Variants in DHX8 observed in about 807,000 individuals in gnomAD.
The protein encoded by DHX8 is ATP-dependent RNA helicase DHX8.
DHX8 carries 67 observed loss-of-function variants against 140.7 expected under a neutral mutation model. The ratio of observed to expected loss-of-function variants is 0.48; its 90% confidence interval spans 0.39 to 0.58. DHX8 has a LOEUF of 0.58. DHX8 is among the 20% of genes least tolerant of loss of function. DHX8 has a pLI of 0.00. For missense variants in DHX8, 887 were observed against 1,550.7 expected (o/e 0.57, Z 7.19); for synonymous variants, 533 against 553.2 (o/e 0.96, Z 0.51).
intron 11 of DHX8, among the ~76,000 whole-genome samples, 169 bp from the exon 12 acceptor site, chr17:43,504,475 C>T (rs947376177): frequency 4.0e-5 from 6 of 151,798 alleles, no homozygotes; most frequent in Non-Finnish European, 7.4e-5. Context: ...TCCCTGCTGC[C>T]CCTTCTATAT....
intron 3 of DHX8, among the ~76,000 whole-genome samples, chr17:43,537,278 T>A (rs962248542): frequency 6.6e-6 from 1 of 152,048 alleles, no homozygotes; most frequent in Non-Finnish European, 1.5e-5. Context: ...GACAGAAGAA[T>A]CGCTTGAACC....
In DHX8 at chr17:43,504,648, A is replaced by G. The variant is rs1969390403; in HGVS notation, c.1551A>G (p.Glu517=). The change falls in exon 12 of 23, where the codon GAA becomes GAG. Residue 517 remains glutamate, a synonymous_variant. Coordinates refer to ENST00000262415, the MANE Select transcript of DHX8 (RefSeq NM_004941.3). ...KHWVDPLPDA[E]GRQIAANMRG... ...GTTGCCTGTTTTCCTTTCCAGCGGA[A>G]GGCAGACAGATTGCTGCCAACATGA... The G allele has an allele frequency of 1.2e-6, 2 of 1,609,010 alleles. No individual in the cohort carries two copies. Among genetic ancestry groups the G allele is most frequent in the Non-Finnish European group, 1.7e-6 (2 of 1,178,162 alleles).
intron 11 of DHX8, among the ~76,000 whole-genome samples, chr17:43,503,275 A>G (rs574751332): frequency 2.0e-5 from 3 of 152,244 alleles, no homozygotes; most frequent in Non-Finnish European, 4.4e-5. Flanking sequence ...AGGCGGGTGG[A>G]TCACCTGAGG....
At chr17:43,488,718 T>TAGGACAG (rs900842515) in intron 1 of DHX8, among the ~76,000 whole-genome samples, 1 of 152,158 alleles carries the variant, frequency 6.6e-6, no homozygotes, top group African/African-American at 2.4e-5. Flanking sequence ...GGCCCTCATA[T>TAGGACAG]ACAGATTGGG....
downstream of DHX8, among the ~76,000 whole-genome samples, chr17:43,530,602 ACGCG>A (rs200376976): frequency 3.8e-5 from 5 of 133,074 alleles, no homozygotes; most frequent in African/African-American, 5.8e-5. Context: ...AGCCCTGTGC[ACGCG>A]CGCGTGTGTG....
At chr17:43,528,812 A>G, downstream of DHX8, 1 of 1,305,972 alleles carries the variant, frequency 7.7e-7, no homozygotes, top group Non-Finnish European at 1.1e-6. Context: ...AAGGTGGGGG[A>G]GTGGGGAATG....
intron 17 of DHX8, among the ~76,000 whole-genome samples, chr17:43,513,962 C>G (rs1433490990): frequency 6.6e-6 from 1 of 152,064 alleles, no homozygotes; most frequent in African/African-American, 2.4e-5. Flanking sequence ...ATCCACCCGT[C>G]TTGGCCTCCC....
chr17:43,523,580 G>T (rs1425852468), intron 22 of DHX8, 48 bp from the exon 23 acceptor site: 2 of 1,606,408 alleles, frequency 1.2e-6, no homozygotes, highest in African/African-American at 2.7e-5. Flanking sequence ...TGACTGTAGA[G>T]TGGGGCCTAT....
intron 7 of DHX8, 35 bp downstream of exon 7, chr17:43,493,624 T>C (rs375106079): frequency 4.3e-6 from 7 of 1,614,090 alleles, no homozygotes; most frequent in Non-Finnish European, 5.9e-6. Context: ...TTACATGTGA[T>C]GGCCAAGGGA....
At chr17:43,491,047 A>ATTT in intron 3 of DHX8, 118 bp from the exon 4 acceptor site, 1 of 455,662 alleles carries the variant, frequency 2.2e-6, no homozygotes, top group Non-Finnish European at 3.9e-6. Flanking sequence ...ATATAGCAAA[A>ATTT]TGCCATGTTC....
chr17:43,514,643 G>T (rs992153560), intron 17 of DHX8, among the ~76,000 whole-genome samples: 2 of 152,074 alleles, frequency 1.3e-5, no homozygotes, highest in Admixed American at 1.3e-4. Flanking sequence ...TAACCTAACT[G>T]TTCTGCTTAT....
intron 18 of DHX8, chr17:43,519,549 A>G (rs1970271568): frequency 6.9e-6 from 1 of 145,134 alleles, no homozygotes; most frequent in Admixed American, 7.0e-5. Flanking sequence ...AAGACGTTTT[A>G]TCATGTTGCC....
chr17:43,526,702 C>G (rs904567681), downstream of DHX8: 1 of 1,485,702 alleles, frequency 6.7e-7, no homozygotes, highest in Admixed American at 2.0e-5. Context: ...TGTGTGTACT[C>G]GGCCTTCAGG....
intron 11 of DHX8, among the ~76,000 whole-genome samples, chr17:43,500,876 A>C (rs1352580780): frequency 1.3e-5 from 2 of 151,982 alleles, no homozygotes; most frequent in Non-Finnish European, 2.9e-5. Context: ...GCGCCACTGC[A>C]CTCCAGCCTG....
intron 12 of DHX8, among the ~76,000 whole-genome samples, chr17:43,505,999 T>TTGTGTG (rs149299592): frequency 6.7e-6 from 1 of 150,194 alleles, no homozygotes; most frequent in Non-Finnish European, 1.5e-5. Context: ...TCTCAGAGAT[T>TTGTGTG]TGTGTGTGTG....
chr17:43,503,100 C>A (rs550872510), intron 11 of DHX8, among the ~76,000 whole-genome samples: 1 of 152,286 alleles, frequency 6.6e-6, no homozygotes, highest in African/African-American at 2.4e-5. Context: ...AGGTGGCTCA[C>A]ACCTGTAATC....
intron 4 of DHX8, 98 bp from the exon 5 acceptor site, chr17:43,492,085 C>CCCTCACAT (rs1157188009): frequency 1.1e-5 from 9 of 803,270 alleles, no homozygotes; most frequent in African/African-American, 3.4e-5. Context: ...TCTTCTATTT[C>CCCTCACAT]CCTCACATAG....
Position 43,523,933 on chromosome 17 carries a change from G to C in DHX8, c.*86G>C, listed in dbSNP as rs913068028. 6.4e-7 allele frequency: 1 copy of C among 1,562,254 alleles called. No individual in the cohort carries two copies. Among genetic ancestry groups the C allele is most frequent in the Admixed American group, 1.9e-5 (1 of 53,478 alleles). On this transcript the variant is annotated 3_prime_UTR_variant, in exon 23 of 23. Coordinates refer to ENST00000262415, the MANE Select transcript of DHX8 (RefSeq NM_004941.3). ...ACAGGCTGGTCCTGAGGATACAGCT[G>C]TCCCGTGACTGACTGTCTTAACTGA...
At chr17:43,510,581 TTTTA>T (rs1598159716) in intron 16 of DHX8, among the ~76,000 whole-genome samples, 1 of 152,240 alleles carries the variant, frequency 6.6e-6, no homozygotes, top group African/African-American at 2.4e-5. Context: ...TTACTGTATT[TTTTA>T]TTTGTATTTT....
Sources: allele counts gnomAD v4.1 joint callset (sites outside exome capture counted in the v4.1 genomes callset), GRCh38; gene constraint gnomAD v4.1.1; transcripts MANE v1.5; gene names NCBI Gene and HGNC (gene_info 2026-07-23, HGNC 2026-07-21).